Variants in LRRC8A observed in about 807,000 individuals in gnomAD.
LRRC8A encodes the protein volume-regulated anion channel subunit LRRC8A.
Under a neutral mutation model 52.5 loss-of-function variants are expected in LRRC8A, and 24 were observed. The observed-to-expected ratio is 0.46, with a 90% CI of 0.33 to 0.64. LRRC8A has a LOEUF of 0.64. Among genes scored for constraint, LRRC8A ranks in the 30% least tolerant of loss-of-function variants. LRRC8A has a pLI of 0.02. For synonymous variants in LRRC8A, 492 were observed against 494.2 expected (o/e 1.00, Z 0.06); for missense variants, 677 against 1,094.7 (o/e 0.62, Z 5.38).
At chr9:128,896,605 C>T (rs1839833779) in intron 2 of LRRC8A, among the ~76,000 whole-genome samples, 1 of 152,164 alleles carries the variant, frequency 6.6e-6, no homozygotes, top group African/African-American at 2.4e-5. Context: ...TTGCATTTTT[C>T]CCCTGTGAAT....
In LRRC8A at chr9:128,911,278, G is replaced by A. The variant is rs1043056640; in HGVS notation, c.2157+1957G>A. On this transcript the variant is annotated intron_variant, in intron 3 of 3. Coordinates refer to ENST00000372600, the MANE Select transcript of LRRC8A (RefSeq NM_019594.4). This position sits in a 1 kb window ranked among gnomAD's most constrained non-coding sequence, Gnocchi z 4.9. ...GGGCTCCCTTACTGCAGAGCAACCT[G>A]CAACCCACATGTATCAGGGATTTTG... 6.6e-6 allele frequency among the ~76,000 whole-genome samples: 1 copy of A among 152,128 alleles called. No homozygotes were observed. The highest frequency in any genetic ancestry group is 1.5e-5 in the Non-Finnish European group (1 of 68,016).
intron 2 of LRRC8A, among the ~76,000 whole-genome samples, chr9:128,890,789 C>T (rs552974555): frequency 2.0e-5 from 3 of 152,160 alleles, no homozygotes; most frequent in Non-Finnish European, 2.9e-5. Flanking sequence ...AAGAAGGCAG[C>T]GCTGGTATTC....
intron 1 of LRRC8A, 90 bp from the exon 2 acceptor site, chr9:128,885,924 CA>C (rs1037638605): frequency 4.1e-4 from 62 of 152,356 alleles, no homozygotes; most frequent in Middle Eastern, 3.4e-3. Context: ...GGCCTGCTAC[CA>C]AGCAGGCTCT....
Position 128,899,813 on chromosome 9 carries a change from TG to T in LRRC8A, c.-8-7342del, listed in dbSNP as rs915036544. On this transcript the variant is annotated intron_variant, in intron 2 of 3. Coordinates refer to ENST00000372600, the MANE Select transcript of LRRC8A (RefSeq NM_019594.4). This position sits in a 1 kb window ranked among gnomAD's most constrained non-coding sequence, Gnocchi z 4.0. ...GAGATGAAGAGAGTTCTGTGTATGGTGGTGATGGTTGCACAACAGTGAATGT... is the reference window on the plus strand; with the variant it reads ...GAGATGAAGAGAGTTCTGTGTATGGTGTGATGGTTGCACAACAGTGAATGT... 3.3e-5 allele frequency among the ~76,000 whole-genome samples: 5 copies of T among 152,174 alleles called. No individual in the cohort carries two copies. The highest frequency in any genetic ancestry group is 2.0e-4 in the Admixed American group (3 of 15,288).
chr9:128,883,928 C>T (rs867689702), intron 1 of LRRC8A, among the ~76,000 whole-genome samples: 32 of 151,962 alleles, frequency 2.1e-4, no homozygotes, highest in African/African-American at 7.5e-4. Flanking sequence ...GAGCCAAGAT[C>T]GCGCCATTGC....
chr9:128,901,176 A>G (rs1840009825), intron 2 of LRRC8A, among the ~76,000 whole-genome samples: 1 of 152,010 alleles, frequency 6.6e-6, no homozygotes, highest in Non-Finnish European at 1.5e-5. Flanking sequence ...CCATCTCAAA[A>G]AAAACAGACC....
intron 2 of LRRC8A, among the ~76,000 whole-genome samples, chr9:128,896,111 T>C (rs925217364): frequency 1.9e-4 from 29 of 152,240 alleles, no homozygotes; most frequent in African/African-American, 5.3e-4. Flanking sequence ...TTTGGAGACT[T>C]TCCATGCATG....
Position 128,898,038 on chromosome 9 carries a change from CAGTGTGTGTGTG to C in LRRC8A, c.-8-9118_-8-9107del, listed in dbSNP as rs1302471434. ...GTCTAACCTCACTTCTAAGATTGTT[CAGTGTGTGTGTG>C]TGTGTGTGTGTGTGTGTGTGTGTGT... On this transcript the variant is annotated intron_variant, in intron 2 of 3. Transcript: ENST00000372600. Among the ~76,000 whole-genome samples the C allele has an allele frequency of 9.6e-5, 6 of 62,670 alleles. No homozygotes were observed. The East Asian group carries it at 1.9e-3, about 20-fold the overall frequency. 41.1% of individuals were successfully genotyped at this position (62,670 alleles called of 152,430 possible). A position where few individuals can be genotyped will look rare whatever the true frequency, so the allele number is the denominator to read the frequency against.
intron 2 of LRRC8A, among the ~76,000 whole-genome samples, chr9:128,890,005 G>T (rs1273942671): frequency 6.6e-6 from 1 of 151,740 alleles, no homozygotes; most frequent in Non-Finnish European, 1.5e-5. Flanking sequence ...GTTTCACCTT[G>T]TTGGTCAGGC....
Position 128,909,158 on chromosome 9 carries a change from A to T in LRRC8A, c.1994A>T (p.Glu665Val). Reference sequence around the variant, plus strand: ...CAGATCGGCAACCTCACCAACCTGGAGCGCCTCTACCTGAACCGCAACAAG... The same window carrying T: ...CAGATCGGCAACCTCACCAACCTGGTGCGCCTCTACCTGAACCGCAACAAG... ...PIQIGNLTNL[E>V]RLYLNRNKIE... The change falls in exon 3 of 4, where the codon GAG becomes GTG. Residue 665 changes from glutamate (E) to valine (V), a missense_variant. Around this residue, in one of 4 missense-constraint regions of LRRC8A, gnomAD observed 169 missense variants for 217.6 expected, o/e 0.78. Transcript: ENST00000372600. The T allele has an allele frequency of 6.2e-7, 1 of 1,614,138 alleles. No homozygotes were observed. Among genetic ancestry groups the T allele is most frequent in the Non-Finnish European group, 8.5e-7 (1 of 1,180,032 alleles).
intron 1 of LRRC8A, 69 bp from the exon 2 acceptor site, chr9:128,885,946 T>C (rs1266271854): frequency 6.6e-6 from 1 of 152,292 alleles, no homozygotes; most frequent in Non-Finnish European, 1.5e-5. Context: ...CAGGAAGTGC[T>C]GGCGGTGTGG....
intron 2 of LRRC8A, among the ~76,000 whole-genome samples, chr9:128,894,026 G>A (rs914170543): frequency 6.6e-6 from 1 of 152,046 alleles, no homozygotes; most frequent in Non-Finnish European, 1.5e-5. Flanking sequence ...CTACAGTTGT[G>A]TGCTACCACG....
At chr9:128,904,348 G>A (rs1840149748) in intron 2 of LRRC8A, among the ~76,000 whole-genome samples, 1 of 151,998 alleles carries the variant, frequency 6.6e-6, no homozygotes, top group African/African-American at 2.4e-5. Context: ...GCGAAATTCC[G>A]TTTCTACTAA....
rs1037838815 is a variant in LRRC8A at position 128,916,012 on chromosome 9, C to A, written c.2158-84C>A. The A allele has an allele frequency of 2.7e-6, 4 of 1,481,114 alleles. No homozygotes were observed. The African/African-American group carries it at 5.6e-5, about 21-fold the overall frequency. 91.7% of individuals were successfully genotyped at this position (1,481,114 alleles called of 1,614,324 possible). On this transcript the variant is annotated intron_variant, in intron 3 of 3. Transcript: ENST00000372600. This position sits in a 1 kb window ranked among gnomAD's most constrained non-coding sequence, Gnocchi z 6.1. ...TGGGGATCAGAAAAGATGCTGAGAT[C>A]TTGGGGAGAGAGGGAAGGGAAGCCC...
At position 128,908,913 on chromosome 9, in the gene LRRC8A, C is replaced by T; in HGVS notation, c.1749C>T (p.Val583=). The part of the protein sequence containing the change: ...SINNEGTKLI[V]LNSLKKMANL... Reference sequence around the variant, plus strand: ...ACAATGAGGGCACCAAGCTCATCGTCCTCAACAGCCTCAAGAAGATGGCGA... The same window carrying T: ...ACAATGAGGGCACCAAGCTCATCGTTCTCAACAGCCTCAAGAAGATGGCGA... The change falls in exon 3 of 4, where the codon GTC becomes GTT. Residue 583 remains valine (V), a synonymous_variant. Transcript: ENST00000372600. 6.2e-7 allele frequency: 1 copy of T among 1,614,050 alleles called. No homozygotes were observed. The highest frequency in any genetic ancestry group is 8.5e-7 in the Non-Finnish European group (1 of 1,180,024).
chr9:128,903,872 A>G (rs143794951), intron 2 of LRRC8A, among the ~76,000 whole-genome samples: 237 of 152,206 alleles, frequency 1.6e-3, no homozygotes, highest in African/African-American at 5.3e-3. Context: ...TACTAAAAAT[A>G]CAAAAATTAG....
Position 128,916,088 on chromosome 9 carries a change from C to A in LRRC8A, c.2158-8C>A, listed in dbSNP as rs1159912658. On this transcript the variant is annotated splice_region_variant and splice_polypyrimidine_tract_variant and intron_variant, in intron 3 of 3. Coordinates refer to ENST00000372600, the MANE Select transcript of LRRC8A (RefSeq NM_019594.4). This position sits in a 1 kb window ranked among gnomAD's most constrained non-coding sequence, Gnocchi z 6.1. ...ACCTCACTCTCACCCCTGCTTTTTT[C>A]CCTCCAGATCGAGACGCTCCCTCCG... 1.9e-6 allele frequency: 3 copies of A among 1,590,990 alleles called. No individual in the cohort carries two copies. The African/African-American group carries it at 4.0e-5, about 21-fold the overall frequency.
At chr9:128,903,765 C>A (rs140143562) in intron 2 of LRRC8A, among the ~76,000 whole-genome samples, 2 of 151,694 alleles carry the variant, frequency 1.3e-5, no homozygotes, top group Non-Finnish European at 1.5e-5. Flanking sequence ...CGGTGGCTCA[C>A]GCCTGTAATC....
intron 3 of LRRC8A, among the ~76,000 whole-genome samples, chr9:128,914,218 A>G (rs1005589046): frequency 1.8e-5 from 2 of 108,666 alleles, no homozygotes; most frequent in Non-Finnish European, 3.6e-5. Context: ...CCGCCCCCCA[A>G]AAAAAAAGAA....
Sources: allele counts gnomAD v4.1 joint callset (sites outside exome capture counted in the v4.1 genomes callset), GRCh38; gene constraint gnomAD v4.1.1; regional missense constraint gnomAD v4.1.1; non-coding constraint Gnocchi (gnomAD v3.1); transcripts MANE v1.5; gene names NCBI Gene and HGNC (gene_info 2026-07-23, HGNC 2026-07-21).